LRP1B: variants seen among roughly 807,000 people sequenced by gnomAD.
LRP1B encodes the protein LDL receptor related protein 1B, also known as low-density lipoprotein receptor-related protein 1B.
In LRP1B, 217 loss-of-function variants were observed where a neutral mutation model predicts 556.6. The observed-to-expected ratio is 0.39, with a 90% confidence interval of 0.35 to 0.44. The LOEUF is 0.44. LRP1B is among the 20% of genes least tolerant of loss of function. LRP1B has a pLI of 1.00. For synonymous variants in LRP1B, 2,047 were observed against 1,865.8 expected (o/e 1.10, Z -2.50); for missense variants, 5,053 against 5,620.8 (o/e 0.90, Z 3.23).
chr2:141,125,637 G>A (rs10179688), intron 7 of LRP1B, among the ~76,000 whole-genome samples: 34,189 of 151,966 alleles, frequency 0.22, 4,330 homozygotes, highest in East Asian at 0.37. Context: ...CTCTAGCTAA[G>A]AACTAGCTGC....
chr2:141,284,429 A>T (rs1226327309), intron 3 of LRP1B, among the ~76,000 whole-genome samples: 1 of 152,206 alleles, frequency 6.6e-6, no homozygotes, highest in African/African-American at 2.4e-5. Context: ...ATGTACAGGG[A>T]TTAGTTAGGT....
intron 2 of LRP1B, among the ~76,000 whole-genome samples, chr2:141,489,401 T>A (rs1283129043): frequency 6.6e-6 from 1 of 151,760 alleles, no homozygotes; most frequent in African/African-American, 2.4e-5. Context: ...TATGTAGTTA[T>A]TATAAGAGTA....
chr2:141,097,682 C>T (rs1289378370), intron 7 of LRP1B, among the ~76,000 whole-genome samples: 1 of 152,056 alleles, frequency 6.6e-6, no homozygotes, highest in East Asian at 1.9e-4. Flanking sequence ...TTCCTCCATT[C>T]ACATAATAGT....
Position 140,516,933 on chromosome 2 carries a change from T to G in LRP1B, c.8105A>C (p.Asp2702Ala). ...TCCATCCTCACAATCTTTCTGACCA[T>G]CGCATATCCAGGTATTCAAAATGCA... ...GRCILNTWIC[D>A]GQKDCEDGRD... is the part of the protein sequence containing the mutation. Residue 2702 changes from aspartate to alanine, a missense_variant, in exon 50 of 91, where the codon GAT (aspartate) becomes GCT (alanine). By Grantham distance (126) the Asp-to-Ala change is moderately radical. Coordinates refer to ENST00000389484, the MANE Select transcript of LRP1B (RefSeq NM_018557.3). 1.2e-6 allele frequency: 2 copies of G among 1,612,946 alleles called. No homozygotes were observed. The highest frequency in any genetic ancestry group is 1.7e-6 in the Non-Finnish European group (2 of 1,179,178).
At chr2:141,809,928 AT>A (rs1052124481) in intron 2 of LRP1B, among the ~76,000 whole-genome samples, 27 of 151,846 alleles carry the variant, frequency 1.8e-4, no homozygotes, top group Non-Finnish European at 1.2e-4. Context: ...TTCTCAAGTC[AT>A]TTTTTTCTAG....
At chr2:141,275,670 G>A (rs1034692092) in intron 3 of LRP1B, among the ~76,000 whole-genome samples, 10 of 152,060 alleles carry the variant, frequency 6.6e-5, no homozygotes, top group Admixed American at 2.0e-4. Context: ...CCATAATTGC[G>A]CCACTGCACT....
intron 2 of LRP1B, among the ~76,000 whole-genome samples, chr2:141,652,495 C>G (rs1488364023): frequency 6.6e-6 from 1 of 152,116 alleles, no homozygotes; most frequent in African/African-American, 2.4e-5. Flanking sequence ...TTTTTAGCAA[C>G]ATTGACAGGC....
intron 3 of LRP1B, among the ~76,000 whole-genome samples, chr2:141,319,402 G>A (rs1687155162): frequency 6.7e-6 from 1 of 149,564 alleles, no homozygotes; most frequent in Non-Finnish European, 1.5e-5. Context: ...GTCAAGTGAG[G>A]CAAATCTGAA....
At chr2:141,967,984 A>C (rs948413608) in intron 1 of LRP1B, among the ~76,000 whole-genome samples, 3 of 151,834 alleles carry the variant, frequency 2.0e-5, no homozygotes, top group African/African-American at 7.2e-5. Flanking sequence ...AGAAGAACAA[A>C]AATGTATTTT....
rs367841226 is a variant in LRP1B, at chr2:140,356,395, A to G, written c.11477T>C (p.Phe3826Ser). The G allele has an allele frequency of 6.2e-7, 1 of 1,611,020 alleles. No homozygotes were observed. Residue 3826 changes from phenylalanine to serine, a missense_variant, in exon 75 of 91, where the codon TTC (phenylalanine) becomes TCC (serine). Phe to Ser is a radical substitution (Grantham distance 155). Transcript: ENST00000389484. ...AYCNQIKTSVFCRCKPGFQRN... is the reference protein window; with the variant it reads ...AYCNQIKTSVSCRCKPGFQRN... Reference sequence around the variant, plus strand: ...CTGAAATCCAGGCTTACAGCGACAGAAAACAGATGTTTTTATTTGATTACA... The same window carrying G: ...CTGAAATCCAGGCTTACAGCGACAGGAAACAGATGTTTTTATTTGATTACA...
At chr2:140,504,636 C>A (rs1267628997) in intron 53 of LRP1B, among the ~76,000 whole-genome samples, 1 of 152,150 alleles carries the variant, frequency 6.6e-6, no homozygotes, top group African/African-American at 2.4e-5. Flanking sequence ...CATCTCACAT[C>A]TTATTGACAA....
chr2:141,805,311 T>G (rs1696135920), intron 2 of LRP1B: 1 of 152,158 alleles, frequency 6.6e-6, no homozygotes, highest in Non-Finnish European at 1.5e-5. Context: ...ATTCTGAATC[T>G]GTCATAGCAG....
intron 3 of LRP1B, among the ~76,000 whole-genome samples, chr2:141,314,464 ATAAAGCAAC>A (rs1375190138): frequency 1.3e-5 from 2 of 152,122 alleles, no homozygotes; most frequent in Non-Finnish European, 2.9e-5. Context: ...GGTTTTTCTT[ATAAAGCAAC>A]TAAACTGAGA....
chr2:141,046,766 A>G (rs1465139200), intron 11 of LRP1B, among the ~76,000 whole-genome samples: 1 of 152,098 alleles, frequency 6.6e-6, no homozygotes, highest in Non-Finnish European at 1.5e-5. Context: ...AGAACTCTCT[A>G]TGTTGCATTT....
intron 55 of LRP1B, among the ~76,000 whole-genome samples, chr2:140,497,164 C>T (rs1057438871): frequency 2.6e-5 from 4 of 151,784 alleles, no homozygotes; most frequent in African/African-American, 9.7e-5. Flanking sequence ...AGAAATGAAA[C>T]CCTTTAAGCT....
intron 1 of LRP1B, among the ~76,000 whole-genome samples, chr2:142,010,554 C>CAA (rs33927334): frequency 0.036 from 2,193 of 60,094 alleles, 74 homozygotes; most frequent in South Asian, 0.09. Flanking sequence ...GATTCTGTCT[C>CAA]AAAAAAAAAA....
At chr2:140,625,734 T>C (rs1190637521) in intron 41 of LRP1B, among the ~76,000 whole-genome samples, 1 of 152,192 alleles carries the variant, frequency 6.6e-6, no homozygotes, top group Admixed American at 6.5e-5. Context: ...AAAATGCTGA[T>C]GGGGCTATAG....
intron 1 of LRP1B, among the ~76,000 whole-genome samples, chr2:142,020,004 A>G (rs530930820): frequency 2.1e-4 from 32 of 152,326 alleles, no homozygotes; most frequent in African/African-American, 7.5e-4. Flanking sequence ...TCTGTCTAAA[A>G]TATAATGCCA....
intron 14 of LRP1B, among the ~76,000 whole-genome samples, chr2:141,010,161 T>G (rs1320737486): frequency 6.6e-6 from 1 of 152,078 alleles, no homozygotes; most frequent in South Asian, 2.1e-4. Flanking sequence ...CAACCCTTAT[T>G]AAAATATTAC....
Sources: gnomAD v4.1 joint callset for allele counts (sites outside exome capture counted in the v4.1 genomes callset) on GRCh38, gnomAD v4.1.1 for gene constraint, MANE v1.5 for transcripts, NCBI Gene and HGNC (gene_info 2026-07-23, HGNC 2026-07-21) for gene names.